The following TJP3 variants were observed in gnomAD, a reference collection of about 807,000 sequenced individuals.
The protein encoded by TJP3 is tight junction protein ZO-3.
A neutral mutation model predicts 104.2 loss-of-function variants in TJP3; 85 were observed. The observed-to-expected ratio is 0.82, with a 90% confidence interval of 0.68 to 0.98. The LOEUF (loss-of-function observed/expected upper bound fraction) is 0.98, where lower values mean the gene tolerates loss of function less well. Ranked by LOEUF, TJP3 falls within the 50% of genes least tolerant of loss-of-function variation. The pLI is 0.00. For missense variants in TJP3, 1,367 were observed against 1,322.8 expected (o/e 1.03, Z -0.52); for synonymous variants, 550 against 550.6 (o/e 1.00, Z 0.02).
At chr19:3,724,682 G>A (rs1407314114) in intron 1 of TJP3, among the ~76,000 whole-genome samples, 1 of 152,142 alleles carries the variant, frequency 6.6e-6, no homozygotes, top group Non-Finnish European at 1.5e-5. Flanking sequence ...GACCACAGGT[G>A]CATGCCACCA....
At chr19:3,718,212 AG>A (rs2036504800) in intron 1 of TJP3, among the ~76,000 whole-genome samples, 5 of 48,254 alleles carry the variant, frequency 1.0e-4, no homozygotes, top group African/African-American at 4.2e-4. Context: ...AAAAAAAAAA[AG>A]TGTGTGTGTG....
In TJP3 at chr19:3,735,940, G is replaced by A; in HGVS notation, c.1127+5G>A. ...TCAGAGCATGGAGGATCGTGGGTAT[G>A]TACCCCAGAAGAAAGCAAACCCGCT... On this transcript the variant is annotated splice_donor_5th_base_variant and intron_variant, in intron 10 of 20. Coordinates refer to ENST00000541714, the MANE Select transcript of TJP3 (RefSeq NM_001267560.2). 1 of 1,614,106 alleles carries A rather than the reference G, an allele frequency of 6.2e-7. No homozygotes were observed. The highest frequency in any genetic ancestry group is 8.5e-7 in the Non-Finnish European group (1 of 1,180,018).
chr19:3,735,704 A>G (rs1232884410), intron 9 of TJP3, 65 bp downstream of exon 9: 1 of 1,604,636 alleles, frequency 6.2e-7, no homozygotes, highest in Non-Finnish European at 8.5e-7. Context: ...AGGCTGTGCC[A>G]GGCAGAGCTG....
chr19:3,732,377 G>A (rs967661492), intron 6 of TJP3, among the ~76,000 whole-genome samples: 19 of 152,136 alleles, frequency 1.2e-4, no homozygotes, highest in Non-Finnish European at 2.1e-4. Context: ...ACCAGGTTTA[G>A]GGGAGCTGCC....
rs200822795 is a variant in TJP3 at position 3,746,060 on chromosome 19, C to T, written c.1989C>T (p.Thr663=). The change falls in exon 16 of 21, where the codon ACC becomes ACT. Residue 663 remains threonine, a synonymous_variant. Coordinates refer to ENST00000541714, the MANE Select transcript of TJP3 (RefSeq NM_001267560.2). This position sits in a 1 kb window ranked among gnomAD's most constrained non-coding sequence, Gnocchi z 4.1. ...DSPSKIIKLD[T]VRVIAEKDKH... is the part of the protein sequence containing the mutation. ...CCTCCAAGATCATCAAACTAGACAC[C>T]GTGCGGGTGATTGCAGAAAAAGTAA... 3.2e-5 allele frequency: 52 copies of T among 1,609,850 alleles called. No individual in the cohort carries two copies. The Admixed American group carries it at 3.5e-4, about 11-fold the overall frequency.
chr19:3,750,005 A>G (rs1487899574), intron 19 of TJP3, 133 bp from the exon 20 acceptor site: 1 of 1,120,392 alleles, frequency 8.9e-7, no homozygotes, highest in East Asian at 2.4e-5. Flanking sequence ...GATGACCTGC[A>G]GACTTGTCAC....
In TJP3 at chr19:3,735,850, A is replaced by G. The variant is rs1363404147; in HGVS notation, c.1061-19A>G. On this transcript the variant is annotated intron_variant, in intron 9 of 20. Transcript: ENST00000541714. ...CTGAGCCAGTGTGCTTGGGAAAGAG[A>G]CTGGCTTTTCCCTTTCAGAGTTGCC... The G allele has an allele frequency of 6.2e-7, 1 of 1,614,058 alleles. No homozygotes were observed. Among genetic ancestry groups the G allele is most frequent in the Non-Finnish European group, 8.5e-7 (1 of 1,179,954 alleles).
Position 3,730,777 on chromosome 19 carries a change from T to G in TJP3, c.613+71T>G. 6.9e-7 allele frequency: 1 copy of G among 1,455,028 alleles called. No individual in the cohort carries two copies. The highest frequency in any genetic ancestry group is 1.4e-5 in the African/African-American group (1 of 69,554). 90.1% of individuals were successfully genotyped at this position (1,455,028 alleles called of 1,614,324 possible). A position where few individuals can be genotyped will look rare whatever the true frequency, so the allele number is the denominator to read the frequency against. ...GCACCGTGGTCGGATGGGCGACGGTTTCAAGTGATTCTCCTGCCTCAGCCT... is the reference window on the plus strand; with the variant it reads ...GCACCGTGGTCGGATGGGCGACGGTGTCAAGTGATTCTCCTGCCTCAGCCT... On this transcript the variant is annotated intron_variant, in intron 5 of 20. Coordinates refer to ENST00000541714, the MANE Select transcript of TJP3 (RefSeq NM_001267560.2). The surrounding 1 kb of genome is among the most constrained non-coding windows in gnomAD (Gnocchi z 7.3).
chr19:3,737,482 C>T (rs2036752448), intron 11 of TJP3, among the ~76,000 whole-genome samples: 1 of 152,084 alleles, frequency 6.6e-6, no homozygotes, highest in South Asian at 2.1e-4. Context: ...GTGACCTTGC[C>T]TGTGTCCTGC....
At chr19:3,715,552 C>T (rs2036469993) in intron 1 of TJP3, among the ~76,000 whole-genome samples, 1 of 152,082 alleles carries the variant, frequency 6.6e-6, no homozygotes, top group African/African-American at 2.4e-5. Flanking sequence ...GATATGAGAG[C>T]AGACGGTGGG....
Position 3,730,266 on chromosome 19 carries a change from C to G in TJP3, c.262-89C>G. The G allele has an allele frequency of 6.8e-7, 1 of 1,480,936 alleles. No individual in the cohort carries two copies. The allele number at this position is 1,480,936 out of a possible 1,614,324, so 91.7% of individuals were successfully genotyped here. ...TTGGACATTGAGGCCCAGAGAGAGA[C>G]TGGTGTCCCCCAGGGCCACCCGGGG... is the stretch of plus-strand genomic sequence containing the variant. On this transcript the variant is annotated intron_variant, in intron 4 of 20. Coordinates refer to ENST00000541714, the MANE Select transcript of TJP3 (RefSeq NM_001267560.2). The surrounding 1 kb of genome is among the most constrained non-coding windows in gnomAD (Gnocchi z 7.3).
chr19:3,726,956 G>GT (rs1332191544), intron 1 of TJP3, among the ~76,000 whole-genome samples: 1 of 151,592 alleles, frequency 6.6e-6, no homozygotes. Flanking sequence ...GCATCGTGAT[G>GT]TGTGCCTGTG....
At position 3,730,770 on chromosome 19, in the gene TJP3, C is replaced by A; in HGVS notation, c.613+64C>A. On this transcript the variant is annotated intron_variant, in intron 5 of 20. Coordinates refer to ENST00000541714, the MANE Select transcript of TJP3 (RefSeq NM_001267560.2). This position sits in a 1 kb window ranked among gnomAD's most constrained non-coding sequence, Gnocchi z 7.3. ...ACACAGGGCACCGTGGTCGGATGGG[C>A]GACGGTTTCAAGTGATTCTCCTGCC... 2 of 1,491,936 alleles carry A rather than the reference C, an allele frequency of 1.3e-6. No individual in the cohort carries two copies. The highest frequency in any genetic ancestry group is 2.8e-5 in the African/African-American group (2 of 70,536). The allele number at this position is 1,491,936 out of a possible 1,614,324, so 92.4% of individuals were successfully genotyped here. A position where few individuals can be genotyped will look rare whatever the true frequency, so the allele number is the denominator to read the frequency against.
At chr19:3,731,777 C>T (rs1466246650) in intron 5 of TJP3, among the ~76,000 whole-genome samples, 158 bp from the exon 6 acceptor site, 1 of 152,206 alleles carries the variant, frequency 6.6e-6, no homozygotes, top group East Asian at 1.9e-4. Context: ...TTGACACAAT[C>T]AGATCTCGGG....
intron 1 of TJP3, among the ~76,000 whole-genome samples, chr19:3,723,841 TAGGC>T (rs1312330339): frequency 7.0e-6 from 1 of 143,398 alleles, no homozygotes; most frequent in Non-Finnish European, 1.5e-5. Context: ...AATAATAAAA[TAGGC>T]AGGAGTGATA....
Position 3,730,371 on chromosome 19 carries a change from G to C in TJP3, c.278G>C (p.Arg93Pro), listed in dbSNP as rs767375527. The change falls in exon 5 of 21, where the codon CGG becomes CCG. Residue 93 changes from arginine to proline, a missense_variant. By Grantham distance (103) the Arg-to-Pro change is moderately radical (BLOSUM62 -2). Coordinates refer to ENST00000541714, the MANE Select transcript of TJP3 (RefSeq NM_001267560.2). The surrounding 1 kb of genome is among the most constrained non-coding windows in gnomAD (Gnocchi z 7.3). ...KMANITVKRP[R>P]RIHLPATKAS... is the part of the protein sequence containing the mutation. ...CTCTAACAGACAGTGAAACGTCCCC[G>C]GAGGATCCACCTGCCCGCCACCAAA... 6.5e-7 allele frequency: 1 copy of C among 1,540,552 alleles called. No individual in the cohort carries two copies. The highest frequency in any genetic ancestry group is 8.7e-7 in the Non-Finnish European group (1 of 1,144,946).
intron 11 of TJP3, 36 bp downstream of exon 11, chr19:3,736,357 T>C: frequency 1.3e-6 from 2 of 1,497,878 alleles, no homozygotes; most frequent in Middle Eastern, 3.6e-4. Flanking sequence ...CCACTGATCA[T>C]GGGCGTGCAG....
intron 1 of TJP3, among the ~76,000 whole-genome samples, chr19:3,710,134 G>A (rs1467027983): frequency 7.7e-6 from 1 of 129,408 alleles, no homozygotes; most frequent in Non-Finnish European, 1.6e-5. Context: ...GGACAACAGA[G>A]TGAGACTCTG....
At chr19:3,718,965 C>A (rs1026615972) in intron 1 of TJP3, among the ~76,000 whole-genome samples, 3 of 151,770 alleles carry the variant, frequency 2.0e-5, no homozygotes, top group Non-Finnish European at 4.4e-5. Context: ...GGGTGGATCA[C>A]CTGAGGTCAG....
Sources: gnomAD v4.1 joint callset for allele counts (sites outside exome capture counted in the v4.1 genomes callset) on GRCh38, gnomAD v4.1.1 for gene constraint, Gnocchi (gnomAD v3.1) non-coding constraint, MANE v1.5 for transcripts, NCBI Gene and HGNC (gene_info 2026-07-23, HGNC 2026-07-21) for gene names.